The following FYB1 variants were observed in gnomAD, a reference collection of about 807,000 sequenced individuals.
FYB1 encodes FYN-binding protein 1.
In FYB1, 41 loss-of-function variants were observed where a neutral mutation model predicts 94.1. That is an observed-to-expected ratio of 0.44 (90% confidence interval 0.34 to 0.57). The LOEUF (loss-of-function observed/expected upper bound fraction) is 0.57. FYB1 is among the 20% of genes least tolerant of loss of function. FYB1 has a pLI of 0.02. For synonymous variants in FYB1, 367 were observed against 353.2 expected, an observed-to-expected ratio of 1.04 and a Z score of -0.44; for missense variants, 1,050 against 976.8, an observed-to-expected ratio of 1.07 and a Z score of -1.00.
chr5:39,172,445 C>CAAA (rs57444171), intron 2 of FYB1, among the ~76,000 whole-genome samples: 1 of 147,876 alleles, frequency 6.8e-6, no homozygotes, highest in Non-Finnish European at 1.5e-5. Flanking sequence ...GACTCCATCT[C>CAAA]AAAAAAAAAA....
At chr5:39,240,181 AT>A (rs1462831248) in intron 1 of FYB1, among the ~76,000 whole-genome samples, 2 of 152,192 alleles carry the variant, frequency 1.3e-5, no homozygotes, top group Non-Finnish European at 2.9e-5. Context: ...GGCAGTATGT[AT>A]TAAAAACTTA....
chr5:39,219,324 T>C, intron 1 of FYB1, 119 bp downstream of exon 1: 3 of 564,044 alleles, frequency 5.3e-6, no homozygotes, highest in Non-Finnish European at 6.7e-6. Flanking sequence ...AGAACATGCG[T>C]TTCCTTCAGT....
At chr5:39,128,438 T>C (rs536748421) in intron 10 of FYB1, among the ~76,000 whole-genome samples, 6 of 152,112 alleles carry the variant, frequency 3.9e-5, no homozygotes. Context: ...GTATGAGAAC[T>C]TTAGCACTGC....
At chr5:39,257,673 C>T (rs1322816881) in intron 1 of FYB1, among the ~76,000 whole-genome samples, 1 of 152,124 alleles carries the variant, frequency 6.6e-6, no homozygotes, top group Admixed American at 6.6e-5. Context: ...TCACTTTAAA[C>T]TTTGTTCACT....
intron 2 of FYB1, chr5:39,170,481 C>CA (rs1460970009): frequency 1.8e-5 from 6 of 337,642 alleles, no homozygotes; most frequent in African/African-American, 1.3e-4. Context: ...TTCTGATTCC[C>CA]TACATCCAAT....
At chr5:39,127,890 T>C in intron 10 of FYB1, 83 bp from the exon 11 acceptor site, 1 of 1,308,850 alleles carries the variant, frequency 7.6e-7, no homozygotes, top group Non-Finnish European at 1.0e-6. Context: ...TTGTAAATCT[T>C]CCTTATTTAA....
At chr5:39,150,882 G>A (rs920029114) in intron 3 of FYB1, among the ~76,000 whole-genome samples, 2 of 152,120 alleles carry the variant, frequency 1.3e-5, no homozygotes, top group African/African-American at 4.8e-5. Context: ...TAGCCATTAA[G>A]GTGATTTTTA....
At chr5:39,229,157 G>A (rs1202999054) in intron 1 of FYB1, among the ~76,000 whole-genome samples, 1 of 152,098 alleles carries the variant, frequency 6.6e-6, no homozygotes, top group Non-Finnish European at 1.5e-5. Context: ...TCAGGACCCA[G>A]GGAATAGTGG....
chr5:39,215,353 C>CT (rs538693235), intron 1 of FYB1, among the ~76,000 whole-genome samples: 1 of 151,190 alleles, frequency 6.6e-6, no homozygotes, highest in Non-Finnish European at 1.5e-5. Context: ...TCACTGACTA[C>CT]TTTTTTTTTG....
intron 2 of FYB1, among the ~76,000 whole-genome samples, chr5:39,195,878 G>C (rs1336684969): frequency 6.6e-6 from 1 of 152,106 alleles, no homozygotes; most frequent in Non-Finnish European, 1.5e-5. Flanking sequence ...TTAGTTCAGA[G>C]AATATTTTGA....
At chr5:39,167,975 C>T (rs184750443) in intron 2 of FYB1, among the ~76,000 whole-genome samples, 1 of 152,312 alleles carries the variant, frequency 6.6e-6, no homozygotes, top group East Asian at 1.9e-4. Flanking sequence ...TATTTAACAA[C>T]AGTGCCCATC....
chr5:39,213,188 T>C (rs915923625), intron 1 of FYB1, among the ~76,000 whole-genome samples: 1 of 152,112 alleles, frequency 6.6e-6, no homozygotes, highest in Non-Finnish European at 1.5e-5. Context: ...GCCCAATTAG[T>C]TTTTAGTGTT....
chr5:39,175,583 A>G (rs1353585745), intron 2 of FYB1, among the ~76,000 whole-genome samples: 1 of 152,148 alleles, frequency 6.6e-6, no homozygotes, highest in Non-Finnish European at 1.5e-5. Context: ...TAGGCTCAAC[A>G]ATTTATATGC....
intron 11 of FYB1, 116 bp downstream of exon 11, chr5:39,127,625 T>C: frequency 9.0e-7 from 1 of 1,114,658 alleles, no homozygotes; most frequent in South Asian, 1.8e-5. Flanking sequence ...TTCAAATCAT[T>C]TGGGGTAATG....
chr5:39,157,172 C>G (rs920436307), intron 2 of FYB1, among the ~76,000 whole-genome samples: 8 of 152,018 alleles, frequency 5.3e-5, no homozygotes, highest in Admixed American at 1.3e-4. Flanking sequence ...AATTTGAACT[C>G]TAGTCATTTT....
intron 1 of FYB1, among the ~76,000 whole-genome samples, chr5:39,273,988 G>C (rs539521564): frequency 6.6e-6 from 1 of 151,520 alleles, no homozygotes; most frequent in African/African-American, 2.4e-5. Context: ...ACAGTGGCAC[G>C]ATCTCAGCTC....
chr5:39,210,397 C>T (rs1749255880), intron 1 of FYB1, among the ~76,000 whole-genome samples: 1 of 152,238 alleles, frequency 6.6e-6, no homozygotes. Context: ...CCGGATCCTT[C>T]TCCTGTTTCT....
At chr5:39,183,857 G>T (rs1377288119) in intron 2 of FYB1, among the ~76,000 whole-genome samples, 1 of 152,184 alleles carries the variant, frequency 6.6e-6, no homozygotes, top group Admixed American at 6.5e-5. Flanking sequence ...GGGGGCTATG[G>T]TGGTGGTGGA....
chr5:39,183,709 C>A (rs1746479163), intron 2 of FYB1, among the ~76,000 whole-genome samples: 1 of 152,046 alleles, frequency 6.6e-6, no homozygotes, highest in African/African-American at 2.4e-5. Flanking sequence ...TTGTAAAAAT[C>A]AAAAAGGCAT....
Sources: gnomAD v4.1 joint callset for allele counts (sites outside exome capture counted in the v4.1 genomes callset) on GRCh38, gnomAD v4.1.1 for gene constraint, MANE v1.5 for transcripts, NCBI Gene and HGNC (gene_info 2026-07-23, HGNC 2026-07-21) for gene names.